PRDM16: variants seen among roughly 807,000 people sequenced by gnomAD.
PRDM16 encodes PR/SET domain 16.
Under a neutral mutation model 110.6 loss-of-function variants are expected in PRDM16, and 23 were observed. That is an observed-to-expected ratio of 0.21 (90% confidence interval 0.15 to 0.29). PRDM16 has a LOEUF of 0.29. PRDM16 is among the 10% of genes least tolerant of loss of function. PRDM16 has a pLI of 1.00. For missense variants in PRDM16, 1,615 were observed against 1,794.3 expected, an observed-to-expected ratio of 0.90 and a Z score of 1.81; for synonymous variants, 799 against 781.8, an observed-to-expected ratio of 1.02 and a Z score of -0.37.
At chr1:3,318,269 G>A (rs796648989) in intron 3 of PRDM16, among the ~76,000 whole-genome samples, 11 of 152,258 alleles carry the variant, frequency 7.2e-5, no homozygotes, top group African/African-American at 4.8e-5. Flanking sequence ...GTGTCCCATC[G>A]GGTTCTTAAC....
chr1:3,414,122 A>T (rs1420181029), intron 9 of PRDM16, among the ~76,000 whole-genome samples: 1 of 152,074 alleles, frequency 6.6e-6, no homozygotes, highest in Non-Finnish European at 1.5e-5. Flanking sequence ...AGGTCCAGGG[A>T]CCCCCTTCAG....
chr1:3,335,715 CCGTTCTTTCT>C (rs1411352351), intron 3 of PRDM16, among the ~76,000 whole-genome samples: 1 of 152,090 alleles, frequency 6.6e-6, no homozygotes, highest in Non-Finnish European at 1.5e-5. Flanking sequence ...GCCTTCTTCC[CCGTTCTTTCT>C]GGCATCCTGG....
intron 5 of PRDM16, among the ~76,000 whole-genome samples, chr1:3,402,107 C>G (rs1481034165): frequency 6.6e-6 from 1 of 152,272 alleles, no homozygotes; most frequent in Non-Finnish European, 1.5e-5. Context: ...CACTCACACA[C>G]TGGTGCACAC....
At chr1:3,375,328 G>T (rs191507941) in intron 3 of PRDM16, among the ~76,000 whole-genome samples, 1 of 152,190 alleles carries the variant, frequency 6.6e-6, no homozygotes, top group Non-Finnish European at 1.5e-5. Context: ...CTCTTTCCAC[G>T]CACTGCCAAT....
rs2651915 is a variant in PRDM16, at chr1:3,190,972, C to T, written c.387+4498C>T. Among the ~76,000 whole-genome samples, 1,075 of 152,236 alleles carry T rather than the reference C, an allele frequency of 7.1e-3. 15 individuals are homozygous for T. The highest frequency in any genetic ancestry group is 0.024 in the African/African-American group (1,012 of 41,554). ...GTGTCCAGGGTCCTGCAGCTTGGGG[C>T]CTGCTGGGGCGGGATCCCGCAGGAC... On this transcript the variant is annotated intron_variant, in intron 2 of 16. Transcript: ENST00000270722. The surrounding 1 kb of genome is among the most constrained non-coding windows in gnomAD (Gnocchi z 5.0).
In PRDM16 at chr1:3,201,212, A is replaced by G. The variant is rs1018446664; in HGVS notation, c.387+14738A>G. ...GGCTGCATTTTGATAAAAGCCTTCAAACTCCATTCATATGATCATAGGAGC... is the reference window on the plus strand; with the variant it reads ...GGCTGCATTTTGATAAAAGCCTTCAGACTCCATTCATATGATCATAGGAGC... On this transcript the variant is annotated intron_variant, in intron 2 of 16. Transcript: ENST00000270722. This position sits in a 1 kb window ranked among gnomAD's most constrained non-coding sequence, Gnocchi z 4.1. Among the ~76,000 whole-genome samples the G allele has an allele frequency of 1.2e-4, 19 of 152,204 alleles. No homozygotes were observed. Among genetic ancestry groups the G allele is most frequent in the African/African-American group, 4.1e-4 (17 of 41,450 alleles).
At chr1:3,423,306 C>T (rs1429874921) in intron 12 of PRDM16, among the ~76,000 whole-genome samples, 1 of 152,190 alleles carries the variant, frequency 6.6e-6, no homozygotes, top group Non-Finnish European at 1.5e-5. Context: ...TTCTCACGGC[C>T]GCAGCCCCTG....
At chr1:3,196,854 C>T (rs1182521354) in intron 2 of PRDM16, among the ~76,000 whole-genome samples, 1 of 152,324 alleles carries the variant, frequency 6.6e-6, no homozygotes, top group East Asian at 1.9e-4. Context: ...CCGAGGCTGA[C>T]GGGTAGCAGC....
chr1:3,122,060 G>A (rs1480796090), intron 1 of PRDM16, among the ~76,000 whole-genome samples: 1 of 152,324 alleles, frequency 6.6e-6, no homozygotes, highest in South Asian at 2.1e-4. Context: ...AGGGGAGCCA[G>A]CCTCACCGCG....
rs537187306 is a variant in PRDM16, at chr1:3,114,389, C to T, written c.37+45093C>T. The stretch of plus-strand genomic sequence containing the variant: ...GCACACACGCAGGTGTAAACAGACG[C>T]GCACGCACGCGCACACACACGCACA... On this transcript the variant is annotated intron_variant, in intron 1 of 16. Coordinates refer to ENST00000270722, the MANE Select transcript of PRDM16 (RefSeq NM_022114.4). Among the ~76,000 whole-genome samples, 48 of 138,518 alleles carry T rather than the reference C, an allele frequency of 3.5e-4. No homozygotes were observed. The South Asian group carries it at 9.4e-3, about 27-fold the overall frequency. The allele number at this position is 138,518 out of a possible 152,430, so 90.9% of individuals were successfully genotyped here.
rs1433667338 is a variant in PRDM16, at chr1:3,353,229, GC to G, written c.439-31921del. On this transcript the variant is annotated intron_variant, in intron 3 of 16. Coordinates refer to ENST00000270722, the MANE Select transcript of PRDM16 (RefSeq NM_022114.4). The surrounding 1 kb of genome is among the most constrained non-coding windows in gnomAD (Gnocchi z 5.4). The stretch of plus-strand genomic sequence containing the variant: ...GTTAACCGGGTGTGAAATGCATGTT[GC>G]CTGAGGTGCGGTAAAAGTTTACGAG... Among the ~76,000 whole-genome samples, 2 of 152,232 alleles carry G rather than the reference GC, an allele frequency of 1.3e-5. No homozygotes were observed. Among genetic ancestry groups the G allele is most frequent in the Non-Finnish European group, 2.9e-5 (2 of 68,040 alleles).
At chr1:3,349,840 C>T (rs1642445988) in intron 3 of PRDM16, among the ~76,000 whole-genome samples, 1 of 152,224 alleles carries the variant, frequency 6.6e-6, no homozygotes, top group African/African-American at 2.4e-5. Context: ...GAGCCTCCAG[C>T]CCTCAGCCTC....
At chr1:3,229,324 C>G (rs1639357052) in intron 2 of PRDM16, among the ~76,000 whole-genome samples, 1 of 152,202 alleles carries the variant, frequency 6.6e-6, no homozygotes, top group Non-Finnish European at 1.5e-5. Context: ...ACTGTGAGAT[C>G]GGGCAAGAGG....
At chr1:3,237,118 G>T (rs1214693068) in intron 2 of PRDM16, among the ~76,000 whole-genome samples, 2 of 152,090 alleles carry the variant, frequency 1.3e-5, no homozygotes, top group Admixed American at 6.5e-5. Context: ...CACACAGGAA[G>T]CCACCCTTCC....
chr1:3,142,488 G>A (rs1393335716), intron 1 of PRDM16, among the ~76,000 whole-genome samples: 2 of 152,206 alleles, frequency 1.3e-5, no homozygotes, highest in East Asian at 1.9e-4. Flanking sequence ...CCTTGGTCTC[G>A]GGGCAGGCGC....
chr1:3,117,560 G>T (rs972404030), intron 1 of PRDM16, among the ~76,000 whole-genome samples: 1 of 151,936 alleles, frequency 6.6e-6, no homozygotes, highest in African/African-American at 2.4e-5. Context: ...CCCCACCCCC[G>T]GTTTCCTTCT....
chr1:3,360,847 C>T (rs1642699511), intron 3 of PRDM16, among the ~76,000 whole-genome samples: 1 of 152,226 alleles, frequency 6.6e-6, no homozygotes, highest in African/African-American at 2.4e-5. Flanking sequence ...TGACTCAGGC[C>T]CTGCTGGGAC....
intron 3 of PRDM16, among the ~76,000 whole-genome samples, chr1:3,326,619 C>T (rs1023536295): frequency 6.6e-6 from 1 of 152,164 alleles, no homozygotes; most frequent in Non-Finnish European, 1.5e-5. Context: ...GCCCTATGCC[C>T]ATTTTCATGA....
intron 4 of PRDM16, among the ~76,000 whole-genome samples, chr1:3,389,858 C>T (rs1643268053): frequency 1.3e-5 from 2 of 152,032 alleles, no homozygotes; most frequent in Non-Finnish European, 2.9e-5. Context: ...CAGAAGTCGT[C>T]GTGGGGGACT....
Sources: gnomAD v4.1 joint callset for allele counts (sites outside exome capture counted in the v4.1 genomes callset) on GRCh38, gnomAD v4.1.1 for gene constraint, Gnocchi (gnomAD v3.1) non-coding constraint, MANE v1.5 for transcripts, NCBI Gene and HGNC (gene_info 2026-07-23, HGNC 2026-07-21) for gene names.